HCN1: variants seen among roughly 807,000 people sequenced by gnomAD.
HCN1 encodes the protein hyperpolarization activated cyclic nucleotide gated potassium channel 1, also known as potassium/sodium hyperpolarization-activated cyclic nucleotide-gated channel 1.
A neutral mutation model predicts 78.9 loss-of-function variants in HCN1; 13 were observed. That is an observed-to-expected ratio of 0.16 (90% CI 0.11 to 0.26). The LOEUF (loss-of-function observed/expected upper bound fraction) is 0.26. Among genes scored for constraint, HCN1 ranks in the 10% least tolerant of loss-of-function variants. The pLI, the probability that HCN1 is intolerant of heterozygous loss-of-function variation, is 1.00. For synonymous variants in HCN1, 552 were observed against 455.5 expected (o/e 1.21, Z -2.70); for missense variants, 810 against 1,154.3 (o/e 0.70, Z 4.32).
At chr5:45,507,350 C>G (rs575258069) in intron 2 of HCN1, among the ~76,000 whole-genome samples, 1 of 152,250 alleles carries the variant, frequency 6.6e-6, no homozygotes, top group South Asian at 2.1e-4. Flanking sequence ...TGCAATGCTG[C>G]CACTGGCACC....
chr5:45,470,493 GAA>G (rs1010740156), intron 2 of HCN1, among the ~76,000 whole-genome samples: 6 of 151,856 alleles, frequency 4.0e-5, no homozygotes, highest in African/African-American at 1.4e-4. Flanking sequence ...TGATCTACTG[GAA>G]AATGGCATGA....
At chr5:45,637,830 A>T (rs1745382609) in intron 2 of HCN1, among the ~76,000 whole-genome samples, 1 of 152,160 alleles carries the variant, frequency 6.6e-6, no homozygotes, top group Non-Finnish European at 1.5e-5. Flanking sequence ...GGCCAGAAAC[A>T]AATTTCAAAG....
chr5:45,320,724 A>G (rs1338128894), intron 5 of HCN1, among the ~76,000 whole-genome samples: 2 of 151,792 alleles, frequency 1.3e-5, no homozygotes, highest in Admixed American at 6.6e-5. Context: ...TGTTTTTTTG[A>G]GTTATATATG....
chr5:45,522,016 A>G (rs1187965884), intron 2 of HCN1, among the ~76,000 whole-genome samples: 1 of 151,978 alleles, frequency 6.6e-6, no homozygotes, highest in African/African-American at 2.4e-5. Context: ...TAAATTTTAA[A>G]ACACTATAAA....
intron 6 of HCN1, among the ~76,000 whole-genome samples, chr5:45,278,075 T>G (rs965768275): frequency 2.0e-5 from 3 of 152,104 alleles, no homozygotes; most frequent in African/African-American, 7.2e-5. Flanking sequence ...TCCCTTACAA[T>G]GCACTCTATC....
chr5:45,594,780 T>C (rs1194397951), intron 2 of HCN1, among the ~76,000 whole-genome samples: 1 of 152,232 alleles, frequency 6.6e-6, no homozygotes, highest in Non-Finnish European at 1.5e-5. Flanking sequence ...AATTCATCAC[T>C]TTCTTCATCC....
At chr5:45,555,380 A>G (rs1400507635) in intron 2 of HCN1, among the ~76,000 whole-genome samples, 1 of 151,918 alleles carries the variant, frequency 6.6e-6, no homozygotes, top group Non-Finnish European at 1.5e-5. Flanking sequence ...AACACTAATG[A>G]AAGAAATTGA....
intron 1 of HCN1, among the ~76,000 whole-genome samples, chr5:45,656,679 C>T (rs1745768990): frequency 6.6e-6 from 1 of 152,134 alleles, no homozygotes; most frequent in African/African-American, 2.4e-5. Flanking sequence ...CAAGTCTTTG[C>T]TTTCCCAATT....
chr5:45,279,138 A>G (rs555989154), intron 6 of HCN1, among the ~76,000 whole-genome samples: 1 of 152,318 alleles, frequency 6.6e-6, no homozygotes, highest in South Asian at 2.1e-4. Context: ...GCCACTATTT[A>G]GCTTGTGACT....
At chr5:45,593,998 A>G (rs573281892) in intron 2 of HCN1, among the ~76,000 whole-genome samples, 3 of 152,262 alleles carry the variant, frequency 2.0e-5, no homozygotes, top group South Asian at 4.1e-4. Flanking sequence ...TTAAATTTAG[A>G]GTACTGCTGT....
At chr5:45,299,506 C>T (rs559689524) in intron 6 of HCN1, among the ~76,000 whole-genome samples, 1 of 151,804 alleles carries the variant, frequency 6.6e-6, no homozygotes, top group South Asian at 2.1e-4. Context: ...GATTTCAACT[C>T]CACTCAATTA....
chr5:45,353,906 C>T (rs1449697025), intron 4 of HCN1, among the ~76,000 whole-genome samples: 1 of 151,906 alleles, frequency 6.6e-6, no homozygotes, highest in Non-Finnish European at 1.5e-5. Flanking sequence ...AACAAGTAGG[C>T]GTCAACTGTG....
chr5:45,683,435 A>G (rs1739743460), intron 1 of HCN1, among the ~76,000 whole-genome samples: 1 of 152,126 alleles, frequency 6.6e-6, no homozygotes, highest in East Asian at 1.9e-4. Flanking sequence ...TCAACTCTTT[A>G]ATGTTCACAA....
At chr5:45,678,050 T>C (rs1727886016) in intron 1 of HCN1, among the ~76,000 whole-genome samples, 1 of 151,278 alleles carries the variant, frequency 6.6e-6, no homozygotes, top group Non-Finnish European at 1.5e-5. Context: ...CAGAAAAGTT[T>C]TAGTAGCATT....
chr5:45,457,952 G>C (rs1267965298), intron 3 of HCN1, among the ~76,000 whole-genome samples: 1 of 152,062 alleles, frequency 6.6e-6, no homozygotes, highest in Non-Finnish European at 1.5e-5. Flanking sequence ...ATGAAGTTAG[G>C]GGGATACATT....
chr5:45,613,507 C>T (rs1561220381), intron 2 of HCN1, among the ~76,000 whole-genome samples: 1 of 151,952 alleles, frequency 6.6e-6, no homozygotes, highest in Non-Finnish European at 1.5e-5. Context: ...CACTTTTACA[C>T]TGTTGGTGGG....
In HCN1 at chr5:45,645,344, G is replaced by A. The variant is rs1745529595; in HGVS notation, c.690C>T (p.Ile230=). 1 of 1,613,534 alleles carries A rather than the reference G, an allele frequency of 6.2e-7. No individual in the cohort carries two copies. Among genetic ancestry groups the A allele is most frequent in the South Asian group, 1.1e-5 (1 of 91,056 alleles). Residue 230 remains isoleucine, a synonymous_variant, in exon 2 of 8, where the codon ATC becomes ATT. Coordinates refer to ENST00000303230, the MANE Select transcript of HCN1 (RefSeq NM_021072.4). ...CAATAAGAAAGATATAATCCACTGGGATGGATGAGATGAAGTCAACCACAA... is the reference window on the plus strand; with the variant it reads ...CAATAAGAAAGATATAATCCACTGGAATGGATGAGATGAAGTCAACCACAA... ...SWFVVDFISS[I]PVDYIFLIVE...
intron 4 of HCN1, among the ~76,000 whole-genome samples, chr5:45,384,931 A>G (rs900489272): frequency 6.6e-6 from 1 of 152,198 alleles, no homozygotes; most frequent in African/African-American, 2.4e-5. Flanking sequence ...GATTAAAATC[A>G]TAATGAGGAT....
chr5:45,580,554 T>C (rs1025678749), intron 2 of HCN1, among the ~76,000 whole-genome samples: 1 of 152,150 alleles, frequency 6.6e-6, no homozygotes, highest in Non-Finnish European at 1.5e-5. Flanking sequence ...TTGTTTATTA[T>C]ACTTTTAAGT....
Sources: allele counts gnomAD v4.1 joint callset (sites outside exome capture counted in the v4.1 genomes callset), GRCh38; gene constraint gnomAD v4.1.1; transcripts MANE v1.5; gene names NCBI Gene and HGNC (gene_info 2026-07-23, HGNC 2026-07-21).